The following AGBL1 variants were observed in gnomAD, a reference collection of about 807,000 sequenced individuals.
The protein encoded by AGBL1 is cytosolic carboxypeptidase 4.
A neutral mutation model predicts 118.9 loss-of-function variants in AGBL1; 130 were observed. The ratio of observed to expected loss-of-function variants is 1.09; its 90% confidence interval spans 0.95 to 1.26. The LOEUF (loss-of-function observed/expected upper bound fraction) is 1.26, where lower values mean the gene tolerates loss of function less well. Among genes scored for constraint, AGBL1 ranks in the 50% most tolerant of loss-of-function variants. The probability of loss-of-function intolerance (pLI) is 0.00; values close to 1 mark genes in which losing one functional copy is unlikely to be tolerated. For missense variants in AGBL1, 1,584 were observed against 1,298.1 expected, an observed-to-expected ratio of 1.22 and a Z score of -3.38; for synonymous variants, 555 against 478.9, an observed-to-expected ratio of 1.16 and a Z score of -2.08.
intron 22 of AGBL1, among the ~76,000 whole-genome samples, chr15:86,824,996 G>A (rs530912944): frequency 1.3e-5 from 2 of 152,132 alleles, no homozygotes; most frequent in Non-Finnish European, 2.9e-5. Context: ...GGTGGATGTT[G>A]CAATGAGCTG....
chr15:86,348,308 C>T (rs1042359231), intron 17 of AGBL1, among the ~76,000 whole-genome samples: 1 of 152,240 alleles, frequency 6.6e-6, no homozygotes, highest in East Asian at 1.9e-4. Context: ...GTCAAAGAAA[C>T]CAGCCCCGCC....
chr15:86,800,722 A>G (rs2141348136), intron 22 of AGBL1, among the ~76,000 whole-genome samples: 1 of 152,286 alleles, frequency 6.6e-6, no homozygotes, highest in Non-Finnish European at 1.5e-5. Context: ...TTCATTGCAG[A>G]ACAGTTTTGG....
At chr15:86,990,488 T>C (rs2081327595) in intron 24 of AGBL1, among the ~76,000 whole-genome samples, 1 of 151,792 alleles carries the variant, frequency 6.6e-6, no homozygotes, top group Admixed American at 6.6e-5. Flanking sequence ...CACTCCAGCC[T>C]GGGCAACAGA....
At chr15:86,182,544 T>A (rs936281625) in intron 5 of AGBL1, among the ~76,000 whole-genome samples, 6 of 152,172 alleles carry the variant, frequency 3.9e-5, no homozygotes, top group African/African-American at 1.4e-4. Flanking sequence ...TTCTCGAGAA[T>A]GCAAATCAAG....
chr15:86,993,369 A>G (rs2081351098), intron 24 of AGBL1, among the ~76,000 whole-genome samples: 1 of 152,224 alleles, frequency 6.6e-6, no homozygotes, highest in Non-Finnish European at 1.5e-5. Context: ...AGGCAATAAT[A>G]TAAGAATTAC....
chr15:86,291,048 C>T (rs1397701152), intron 16 of AGBL1, among the ~76,000 whole-genome samples: 2 of 152,108 alleles, frequency 1.3e-5, no homozygotes, highest in African/African-American at 2.4e-5. Flanking sequence ...GCATAGTATT[C>T]CATGGTGTAT....
chr15:86,647,020 T>C (rs528231000), intron 21 of AGBL1, among the ~76,000 whole-genome samples: 4 of 152,340 alleles, frequency 2.6e-5, no homozygotes, highest in South Asian at 4.1e-4. Context: ...TCTTCTCTTA[T>C]GTGATCTTCT....
chr15:86,742,947 C>T (rs1326644737), intron 22 of AGBL1, among the ~76,000 whole-genome samples: 1 of 152,100 alleles, frequency 6.6e-6, no homozygotes, highest in Non-Finnish European at 1.5e-5. Flanking sequence ...TGGATAAATT[C>T]TGTGGACGCT....
chr15:86,474,553 T>C (rs1419050667), intron 18 of AGBL1, among the ~76,000 whole-genome samples: 1 of 152,132 alleles, frequency 6.6e-6, no homozygotes, highest in African/African-American at 2.4e-5. Context: ...TGCTGAGGCT[T>C]GAGTAGGTAA....
chr15:86,695,055 CT>C (rs1318328809), intron 22 of AGBL1, among the ~76,000 whole-genome samples: 1 of 151,832 alleles, frequency 6.6e-6, no homozygotes, highest in African/African-American at 2.4e-5. Context: ...CTGTAGTTTT[CT>C]TTTTTTGTTA....
chr15:86,384,655 T>C (rs28614139), intron 17 of AGBL1, among the ~76,000 whole-genome samples: 50,003 of 152,026 alleles, frequency 0.33, 8,891 homozygotes, highest in East Asian at 0.74. Context: ...ATTCAGAGTC[T>C]AAAATTGTTA....
chr15:87,029,556 A>T (rs2081766280), downstream of AGBL1, among the ~76,000 whole-genome samples: 1 of 151,966 alleles, frequency 6.6e-6, no homozygotes, highest in Non-Finnish European at 1.5e-5. Context: ...ATTGGTACTT[A>T]TGTATAATTT....
At chr15:86,281,695 C>G (rs2079357782) in intron 16 of AGBL1, among the ~76,000 whole-genome samples, 1 of 152,140 alleles carries the variant, frequency 6.6e-6, no homozygotes, top group South Asian at 2.1e-4. Context: ...AACATCAGCC[C>G]TTGAGGTGTA....
intron 21 of AGBL1, among the ~76,000 whole-genome samples, chr15:86,625,386 T>TC (rs2084871374): frequency 2.2e-5 from 1 of 44,852 alleles, no homozygotes; most frequent in South Asian, 1.1e-3. Flanking sequence ...TTTGTTTTTG[T>TC]TTTTTTTTTT....
At chr15:86,170,817 G>T (rs2141751736) in intron 5 of AGBL1, among the ~76,000 whole-genome samples, 2 of 151,728 alleles carry the variant, frequency 1.3e-5, no homozygotes, top group Middle Eastern at 6.8e-3. Context: ...CTGCACTCCA[G>T]CCTGGGCGAC....
At chr15:86,227,156 A>C (rs2078379222) in intron 6 of AGBL1, among the ~76,000 whole-genome samples, 1 of 152,040 alleles carries the variant, frequency 6.6e-6, no homozygotes, top group African/African-American at 2.4e-5. Context: ...GCATAGAACC[A>C]ATGATCTAAA....
intron 23 of AGBL1, among the ~76,000 whole-genome samples, chr15:86,987,422 T>C (rs2081296205): frequency 6.6e-6 from 1 of 152,246 alleles, no homozygotes; most frequent in Non-Finnish European, 1.5e-5. Context: ...GAATTTTCTG[T>C]ATTCATGATT....
intron 21 of AGBL1, among the ~76,000 whole-genome samples, chr15:86,600,541 T>G (rs958468578): frequency 3.3e-5 from 5 of 152,138 alleles, no homozygotes; most frequent in African/African-American, 1.2e-4. Flanking sequence ...GTTCTAGGAA[T>G]AGTCATCCCC....
At position 86,472,224 on chromosome 15, in the gene AGBL1, C is replaced by A. The variant is rs1434522730; in HGVS notation, c.2556-50586C>A. ...GTTTGTGGTAATTTGTTCCAGCAGC[C>A]CCAGGAAACTAGTCCAGATGACTAG... is the stretch of plus-strand genomic sequence containing the variant. On this transcript the variant is annotated intron_variant, in intron 18 of 22. Transcript: ENST00000614907. Among the ~76,000 whole-genome samples the A allele has an allele frequency of 2.0e-5, 3 of 152,128 alleles. No individual in the cohort carries two copies. The South Asian group carries it at 6.2e-4, about 32-fold the overall frequency.
Sources: allele counts gnomAD v4.1 joint callset (sites outside exome capture counted in the v4.1 genomes callset), GRCh38; gene constraint gnomAD v4.1.1; transcripts MANE v1.5; gene names NCBI Gene and HGNC (gene_info 2026-07-23, HGNC 2026-07-21).